Variants in IDUA observed in about 807,000 individuals in gnomAD.
IDUA encodes the protein alpha-L-iduronidase.
Under a neutral mutation model 68.9 loss-of-function variants are expected in IDUA, and 65 were observed. The ratio of observed to expected loss-of-function variants is 0.94; its 90% confidence interval spans 0.77 to 1.16. The LOEUF is 1.16. Among genes scored for constraint, IDUA ranks in the 50% most tolerant of loss-of-function variants. The pLI is 0.00. For missense variants in IDUA, 1,046 were observed against 938.0 expected, an observed-to-expected ratio of 1.12 and a Z score of -1.50; for synonymous variants, 529 against 433.6, an observed-to-expected ratio of 1.22 and a Z score of -2.73.
intron 2 of IDUA, among the ~76,000 whole-genome samples, chr4:994,249 G>C (rs1440860261): frequency 6.6e-6 from 1 of 152,008 alleles, no homozygotes; most frequent in Non-Finnish European, 1.5e-5. Flanking sequence ...AGACCAGCCT[G>C]GTCAACATAG....
intron 2 of IDUA, among the ~76,000 whole-genome samples, chr4:995,984 C>T (rs932026816): frequency 9.9e-5 from 15 of 151,932 alleles, no homozygotes; most frequent in African/African-American, 3.6e-4. Flanking sequence ...GCTCTGGGGT[C>T]TCGTACCCCT....
chr4:1,000,940 G>C lies in IDUA; in HGVS notation c.444G>C (p.Gln148His). Residue 148 changes from glutamine (Q) to histidine (H), a missense_variant, in exon 4 of 14, where the codon CAG (glutamine) becomes CAC (histidine). Gln to His is a conservative substitution (Grantham distance 24). Coordinates refer to ENST00000514224, the MANE Select transcript of IDUA (RefSeq NM_000203.5). The stretch of plus-strand genomic sequence containing the variant: ...TCACTGACTTTGAGGACAAGCAGCA[G>C]GTGTTTGAGTGGAAGGACTTGGTCT... Reference protein sequence around the residue: ...GHFTDFEDKQQVFEWKDLVSS... With the variant: ...GHFTDFEDKQHVFEWKDLVSS... 1 of 1,613,544 alleles carries C rather than the reference G, an allele frequency of 6.2e-7. No homozygotes were observed. The highest frequency in any genetic ancestry group is 1.1e-5 in the South Asian group (1 of 91,088).
intron 10 of IDUA, 86 bp downstream of exon 10, chr4:1,003,243 T>C: frequency 7.7e-7 from 1 of 1,291,554 alleles, no homozygotes; most frequent in Non-Finnish European, 9.8e-7. Context: ...CGAGGCGGTG[T>C]GGGTGGGAGG....
chr4:1,001,343 C>G, intron 4 of IDUA, 125 bp from the exon 5 acceptor site: 1 of 868,744 alleles, frequency 1.2e-6, no homozygotes, highest in Non-Finnish European at 2.0e-6. Flanking sequence ...GGGCGGGAGG[C>G]TGGCCTGCAT....
At chr4:1,000,464 C>G in intron 2 of IDUA, 148 bp from the exon 3 acceptor site, 1 of 692,934 alleles carries the variant, frequency 1.4e-6, no homozygotes, top group South Asian at 1.6e-5. Flanking sequence ...GGTTATTTTC[C>G]AAGGGGAAGG....
At chr4:990,072 C>T (rs1391100406) in intron 2 of IDUA, 3 of 1,601,400 alleles carry the variant, frequency 1.9e-6, no homozygotes, top group African/African-American at 2.7e-5. Context: ...GCAGCGGCAC[C>T]CTCAGGCGGT....
chr4:1,001,060 G>A (rs1465259253), intron 4 of IDUA, 71 bp downstream of exon 4: 18 of 1,023,812 alleles, frequency 1.8e-5, no homozygotes, highest in Admixed American at 1.3e-4. Flanking sequence ...CCCCTATCAC[G>A]CAGGCTGCTG....
intron 1 of IDUA, 67 bp downstream of exon 1, chr4:987,309 G>A: frequency 7.2e-7 from 1 of 1,394,084 alleles, no homozygotes; most frequent in Non-Finnish European, 9.7e-7. Context: ...CCCTGACTGC[G>A]CACTGTGAGA....
At position 1,003,597 on chromosome 4, in the gene IDUA, G is replaced by C; in HGVS notation, c.1699G>C (p.Val567Leu). 2 of 1,612,520 alleles carry C rather than the reference G, an allele frequency of 1.2e-6. No homozygotes were observed. The highest frequency in any genetic ancestry group is 1.7e-6 in the Non-Finnish European group (2 of 1,179,846). The change falls in exon 12 of 14, where the codon GTC becomes CTC. Residue 567 changes from valine to leucine, a missense_variant. Val to Leu is a conservative substitution (Grantham distance 32, BLOSUM62 1). Transcript: ENST00000514224. ...LPLTQGQLVL[V>L]WSDEHVGSKC... Reference sequence around the variant, plus strand: ...CCTGACCCAAGGGCAGCTGGTTCTGGTCTGGTCGGATGAACACGTGGGCTC... The same window carrying C: ...CCTGACCCAAGGGCAGCTGGTTCTGCTCTGGTCGGATGAACACGTGGGCTC...
intron 2 of IDUA, chr4:989,894 C>T: frequency 1.3e-6 from 2 of 1,567,480 alleles, no homozygotes; most frequent in South Asian, 2.3e-5. Flanking sequence ...GCCACGAGGG[C>T]CAGGGCCACG....
intron 2 of IDUA, among the ~76,000 whole-genome samples, chr4:993,675 AGCAC>A (rs1331780734): frequency 2.6e-5 from 4 of 152,136 alleles, no homozygotes; most frequent in Non-Finnish European, 4.4e-5. Flanking sequence ...TCAGGGGCTG[AGCAC>A]AGGTAAACCT....
intron 1 of IDUA, 135 bp downstream of exon 1, chr4:987,377 G>A (rs1001859506): frequency 4.2e-6 from 4 of 947,812 alleles, no homozygotes; most frequent in African/African-American, 3.5e-5. Flanking sequence ...CCCGCCCCCC[G>A]CCGTGTTTGT....
intron 2 of IDUA, among the ~76,000 whole-genome samples, chr4:995,081 GT>G (rs1459021955): frequency 6.8e-6 from 1 of 146,366 alleles, no homozygotes; most frequent in Non-Finnish European, 1.5e-5. Flanking sequence ...GTCTCGCTCT[GT>G]TGCCCAGGCT....
At position 1,002,740 on chromosome 4, in the gene IDUA, C is replaced by A; in HGVS notation, c.1198C>A (p.Gln400Lys). The change falls in exon 9 of 14, where the codon CAG (glutamine) becomes AAG (lysine). Residue 400 changes from glutamine to lysine, a missense_variant. Gln to Lys is a moderately conservative substitution (Grantham distance 53). Coordinates refer to ENST00000514224, the MANE Select transcript of IDUA (RefSeq NM_000203.5). ...CCCCCCCCGCCCCGCAGATGAGGAG[C>A]AGCTCTGGGCCGAAGTGTCGCAGGC... ...MGLLALLDEE[Q>K]LWAEVSQAGT... The A allele has an allele frequency of 6.8e-7, 1 of 1,465,770 alleles. No individual in the cohort carries two copies. Among genetic ancestry groups the A allele is most frequent in the Non-Finnish European group, 9.0e-7 (1 of 1,107,680 alleles). 90.8% of individuals were successfully genotyped at this position (1,465,770 alleles called of 1,614,324 possible).
intron 2 of IDUA, among the ~76,000 whole-genome samples, chr4:999,007 A>G (rs577157610): frequency 1.3e-4 from 20 of 152,186 alleles, no homozygotes; most frequent in Non-Finnish European, 2.6e-4. Context: ...AATGGAAACC[A>G]TCCTGGCTAA....
At chr4:1,002,626 C>A in intron 8 of IDUA, 106 bp from the exon 9 acceptor site, 1 of 1,162,180 alleles carries the variant, frequency 8.6e-7, no homozygotes, top group Non-Finnish European at 1.2e-6. Flanking sequence ...GGCCTGGGGA[C>A]TCCTTCACCA....
chr4:1,003,742 C>T (rs945410703), intron 12 of IDUA, 117 bp downstream of exon 12: 31 of 1,149,248 alleles, frequency 2.7e-5, no homozygotes, highest in African/African-American at 1.4e-4. Flanking sequence ...CTCCCTCCCT[C>T]GCCGCCCTGC....
chr4:989,801 C>T (rs1170244611), intron 2 of IDUA: 2 of 1,573,772 alleles, frequency 1.3e-6, no homozygotes, highest in Non-Finnish European at 1.7e-6. Flanking sequence ...CAGCAGCCCA[C>T]AGCCAGCAGC....
Position 991,467 on chromosome 4 carries a change from G to A in IDUA, c.299+3518G>A, listed in dbSNP as rs545673927. 39 of 1,612,504 alleles carry A rather than the reference G, an allele frequency of 2.4e-5. No homozygotes were observed. The East Asian group carries it at 6.7e-4, about 28-fold the overall frequency. On this transcript the variant is annotated intron_variant, in intron 2 of 13. Transcript: ENST00000514224. Reference sequence around the variant, plus strand: ...TGGCCTGCGGCACCAGGATGATGCCGATGACCAGCCCAGACATGACGTCGC... The same window carrying A: ...TGGCCTGCGGCACCAGGATGATGCCAATGACCAGCCCAGACATGACGTCGC...
Sources: allele counts gnomAD v4.1 joint callset (sites outside exome capture counted in the v4.1 genomes callset), GRCh38; gene constraint gnomAD v4.1.1; transcripts MANE v1.5; gene names NCBI Gene and HGNC (gene_info 2026-07-23, HGNC 2026-07-21).